Variants in CRADD observed in about 807,000 individuals in gnomAD.
The protein encoded by CRADD is death domain-containing protein CRADD.
CRADD carries 9 observed loss-of-function variants against 15.5 expected under a neutral mutation model. The observed-to-expected ratio is 0.58, with a 90% CI of 0.35 to 1.01. The LOEUF (loss-of-function observed/expected upper bound fraction) is 1.01. CRADD is among the 50% of genes least tolerant of loss of function. The pLI, the probability that CRADD is intolerant of heterozygous loss-of-function variation, is 0.02. For synonymous variants in CRADD, 118 were observed against 107.6 expected, an observed-to-expected ratio of 1.10 and a Z score of -0.60; for missense variants, 227 against 250.3, an observed-to-expected ratio of 0.91 and a Z score of 0.63.
At chr12:93,867,232 T>G (rs1045985252) in intron 2 of CRADD, among the ~76,000 whole-genome samples, 1 of 151,926 alleles carries the variant, frequency 6.6e-6, no homozygotes, top group Non-Finnish European at 1.5e-5. Flanking sequence ...CTTTCCTCTT[T>G]CTGTTTTCTA....
intron 2 of CRADD, among the ~76,000 whole-genome samples, chr12:93,681,504 G>A (rs1336441326): frequency 6.6e-6 from 1 of 152,008 alleles, no homozygotes; most frequent in Non-Finnish European, 1.5e-5. Flanking sequence ...ATTTATATAT[G>A]TCTTTGAATA....
At chr12:93,773,813 G>GGTTT (rs763799974) in intron 2 of CRADD, among the ~76,000 whole-genome samples, 19 of 87,550 alleles carry the variant, frequency 2.2e-4, no homozygotes, top group Admixed American at 2.0e-3. Context: ...TACTTTGTGA[G>GGTTT]TTTTTTTTTT....
chr12:93,729,955 T>C (rs889531495), intron 2 of CRADD, among the ~76,000 whole-genome samples: 1 of 152,156 alleles, frequency 6.6e-6, no homozygotes, highest in Non-Finnish European at 1.5e-5. Flanking sequence ...AAGAGATGCA[T>C]TCTCCACGAC....
chr12:93,850,830 C>G, downstream of CRADD: 1 of 698,304 alleles, frequency 1.4e-6, no homozygotes, highest in Non-Finnish European at 1.8e-6. The surrounding 1 kb of genome is among the most constrained non-coding windows in gnomAD (Gnocchi z 4.0). Context: ...TTACAATAGT[C>G]TTTTTTTTCT....
exon 3 of CRADD, chr12:93,894,324 C>A (rs779608332): frequency 1.7e-6 from 1 of 583,652 alleles, no homozygotes; most frequent in Non-Finnish European, 3.1e-6. Flanking sequence ...AACAGAGATG[C>A]TGCTAAACCT....
At chr12:93,733,953 T>C (rs1016094560) in intron 2 of CRADD, among the ~76,000 whole-genome samples, 44 of 152,248 alleles carry the variant, frequency 2.9e-4, no homozygotes, top group African/African-American at 9.9e-4. Context: ...CCCAGGCTGG[T>C]CTCAAACTCC....
intron 2 of CRADD, among the ~76,000 whole-genome samples, chr12:93,825,455 G>A (rs557708487): frequency 1.3e-5 from 2 of 152,188 alleles, no homozygotes; most frequent in Non-Finnish European, 2.9e-5. Context: ...AAGAGTAAAA[G>A]TGTTTCCTTT....
chr12:93,857,836 G>A (rs910172164), intron 2 of CRADD, among the ~76,000 whole-genome samples: 8 of 152,220 alleles, frequency 5.3e-5, no homozygotes, highest in African/African-American at 1.9e-4. Flanking sequence ...TTTACAACCA[G>A]AGCCCCCAGA....
chr12:93,778,507 T>C (rs921489568), intron 2 of CRADD, among the ~76,000 whole-genome samples: 1 of 152,228 alleles, frequency 6.6e-6, no homozygotes, highest in African/African-American at 2.4e-5. Flanking sequence ...TTACTTTGTT[T>C]ATGTCAATGT....
At chr12:93,689,650 G>A (rs913827161) in intron 2 of CRADD, among the ~76,000 whole-genome samples, 10 of 152,120 alleles carry the variant, frequency 6.6e-5, no homozygotes, top group African/African-American at 2.2e-4. Flanking sequence ...TTTATGCTCA[G>A]CACCATAGCA....
At position 93,850,661 on chromosome 12, in the gene CRADD, ATGT is replaced by A; in HGVS notation, c.*394_*396del. The A allele has an allele frequency of 1.0e-6, 1 of 976,382 alleles. No individual in the cohort carries two copies. The highest frequency in any genetic ancestry group is 1.2e-6 in the Non-Finnish European group (1 of 821,476). The allele number at this position is 976,382 out of a possible 1,614,324, so 60.5% of individuals were successfully genotyped here. On this transcript the variant is annotated 3_prime_UTR_variant, in exon 3 of 3. Transcript: ENST00000332896. The surrounding 1 kb of genome is among the most constrained non-coding windows in gnomAD (Gnocchi z 4.0). ...TCTCATATGTAAAACATTTACCTGA[ATGT>A]TGTCTGAGGACTGAACTGTGGACTT...
rs142436347 is a variant in CRADD at position 93,847,020 on chromosome 12, A to G, written c.299-2950A>G. On this transcript the variant is annotated intron_variant, in intron 2 of 2. Transcript: ENST00000332896. ...CCGGAGACTGAGGCAGAAGAATGGC[A>G]TGAACCCAGGAGGCAGAGCTTGCAG... Among the ~76,000 whole-genome samples, 17 of 152,298 alleles carry G rather than the reference A, an allele frequency of 1.1e-4. No individual in the cohort carries two copies. In the East Asian group the frequency reaches 3.3e-3, roughly 29 times the overall value.
At chr12:93,768,718 C>T (rs536133649) in intron 2 of CRADD, among the ~76,000 whole-genome samples, 25 of 152,124 alleles carry the variant, frequency 1.6e-4, no homozygotes, top group Non-Finnish European at 3.5e-4. Flanking sequence ...CAGAAAAGTA[C>T]ACAGATCCTA....
intron 2 of CRADD, among the ~76,000 whole-genome samples, chr12:93,701,435 A>C (rs1307931958): frequency 2.0e-5 from 3 of 152,086 alleles, no homozygotes; most frequent in Non-Finnish European, 4.4e-5. Context: ...TTGGCACGTG[A>C]TTTCCACTCT....
intron 2 of CRADD, among the ~76,000 whole-genome samples, chr12:93,861,292 A>G (rs999238556): frequency 2.4e-4 from 37 of 152,230 alleles, no homozygotes; most frequent in African/African-American, 8.9e-4. Flanking sequence ...GGATTACCCT[A>G]GCTTGTGTGA....
chr12:93,867,772 T>G (rs1958382902), intron 2 of CRADD, among the ~76,000 whole-genome samples: 1 of 152,126 alleles, frequency 6.6e-6, no homozygotes, highest in African/African-American at 2.4e-5. Context: ...GGAATGATGC[T>G]TCATCAGTAT....
At chr12:93,774,149 T>C (rs573658445) in intron 2 of CRADD, among the ~76,000 whole-genome samples, 1 of 152,206 alleles carries the variant, frequency 6.6e-6, no homozygotes, top group South Asian at 2.1e-4. Context: ...ATAGCTACTT[T>C]CAAGTGAACC....
At chr12:93,747,589 C>T (rs1956773779) in intron 2 of CRADD, among the ~76,000 whole-genome samples, 1 of 152,126 alleles carries the variant, frequency 6.6e-6, no homozygotes, top group African/African-American at 2.4e-5. Context: ...CTGCCTCAGC[C>T]TCCCAAGTAG....
intron 2 of CRADD, among the ~76,000 whole-genome samples, chr12:93,783,647 C>G (rs951959570): frequency 2.0e-5 from 3 of 152,006 alleles, no homozygotes; most frequent in African/African-American, 7.2e-5. Context: ...TAACTTTAAG[C>G]CATAAAATAA....
Sources: gnomAD v4.1 joint callset for allele counts (sites outside exome capture counted in the v4.1 genomes callset) on GRCh38, gnomAD v4.1.1 for gene constraint, Gnocchi (gnomAD v3.1) non-coding constraint, MANE v1.5 for transcripts, NCBI Gene and HGNC (gene_info 2026-07-23, HGNC 2026-07-21) for gene names.